Variants in RAD50 observed in about 807,000 individuals in gnomAD.
RAD50 encodes the protein DNA repair protein RAD50.
RAD50 carries 132 observed loss-of-function variants against 168.8 expected under a neutral mutation model. The ratio of observed to expected loss-of-function variants is 0.78; its 90% CI spans 0.68 to 0.90. The LOEUF is 0.90. Ranked by LOEUF, RAD50 falls within the 40% of genes least tolerant of loss-of-function variation. RAD50 has a pLI of 0.00. For synonymous variants in RAD50, 525 were observed against 497.4 expected (o/e 1.06, Z -0.74); for missense variants, 1,347 against 1,534.4 (o/e 0.88, Z 2.04).
chr5:132,560,075 CACATAT>C (rs201296806), intron 2 of RAD50, among the ~76,000 whole-genome samples: 4,995 of 150,704 alleles, frequency 0.033, 241 homozygotes, highest in African/African-American at 0.11. Flanking sequence ...CACACACACA[CACATAT>C]ATATATAGTT....
intron 21 of RAD50, among the ~76,000 whole-genome samples, chr5:132,629,702 G>A (rs1250225870): frequency 1.3e-5 from 2 of 152,092 alleles, no homozygotes; most frequent in Non-Finnish European, 2.9e-5. Flanking sequence ...ATTCTTTCAC[G>A]TCTTAGAATA....
intron 2 of RAD50, among the ~76,000 whole-genome samples, chr5:132,560,176 C>T (rs192352433): frequency 6.3e-4 from 96 of 152,150 alleles, no homozygotes; most frequent in Admixed American, 1.1e-3. Flanking sequence ...TTCTTCCAAG[C>T]TTTTTTCTGC....
Position 132,579,995 on chromosome 5 carries a change from A to C in RAD50, c.685A>C (p.Ser229Arg), listed in dbSNP as rs1406271072. 6.2e-7 allele frequency: 1 copy of C among 1,613,442 alleles called. No homozygotes were observed. Among genetic ancestry groups the C allele is most frequent in the Non-Finnish European group, 8.5e-7 (1 of 1,179,428 alleles). Residue 229 changes from serine (S) to arginine (R), a missense_variant, in exon 5 of 25, where the codon AGT becomes CGT. Transcript: ENST00000378823. ...TTGTGAGATTCGTGATCAGATTACA[A>C]GTAAGGAAGCCCAGTTAACATCTTC... ...KACEIRDQIT[S>R]KEAQLTSSKE...
chr5:132,592,879 G>T, intron 11 of RAD50: 1 of 471,000 alleles, frequency 2.1e-6, no homozygotes, highest in South Asian at 1.5e-5. Flanking sequence ...AGCTGATCTG[G>T]AAGCAGTGAT....
At chr5:132,625,351 G>A in intron 21 of RAD50, among the ~76,000 whole-genome samples, 1 of 152,094 alleles carries the variant, frequency 6.6e-6, no homozygotes. Context: ...CTCCCAAAGT[G>A]CTGGGATTAC....
intron 19 of RAD50, among the ~76,000 whole-genome samples, chr5:132,610,983 A>G (rs1440742212): frequency 6.6e-6 from 1 of 152,224 alleles, no homozygotes; most frequent in African/African-American, 2.4e-5. Flanking sequence ...TTTCAAATTA[A>G]TGGGAAAACA....
chr5:132,586,268 T>C (rs562306468), intron 5 of RAD50, among the ~76,000 whole-genome samples: 3 of 152,190 alleles, frequency 2.0e-5, no homozygotes, highest in South Asian at 2.1e-4. Flanking sequence ...CTTATTGTTA[T>C]CTTGTCTCCC....
At chr5:132,624,871 C>CA (rs10671829) in intron 21 of RAD50, among the ~76,000 whole-genome samples, 3,900 of 56,754 alleles carry the variant, frequency 0.069, 145 homozygotes, top group African/African-American at 0.11. Flanking sequence ...GACCCTGTCT[C>CA]AAAAAAAAAA....
At position 132,625,905 on chromosome 5, in the gene RAD50, T is replaced by C. The variant is rs1167165829; in HGVS notation, c.3389+7611T>C. ...GCACTCCATTGTATATATGAACAACTTTTTTTTTTTTTTGAGACGGAGTCT... is the reference window on the plus strand; with the variant it reads ...GCACTCCATTGTATATATGAACAACCTTTTTTTTTTTTTGAGACGGAGTCT... On this transcript the variant is annotated intron_variant, in intron 21 of 24. Transcript: ENST00000378823. Among the ~76,000 whole-genome samples, 3 of 145,126 alleles carry C rather than the reference T, an allele frequency of 2.1e-5. No individual in the cohort carries two copies. The East Asian group carries it at 6.0e-4, about 29-fold the overall frequency.
At chr5:132,597,131 G>T (rs1297114120) in intron 13 of RAD50, among the ~76,000 whole-genome samples, 1 of 152,116 alleles carries the variant, frequency 6.6e-6, no homozygotes, top group Non-Finnish European at 1.5e-5. Context: ...TTAATATATT[G>T]ACTGAAACAG....
chr5:132,589,180 T>TTTAAAATACA (rs1474110854), intron 8 of RAD50, among the ~76,000 whole-genome samples: 2 of 152,218 alleles, frequency 1.3e-5, no homozygotes, highest in Non-Finnish European at 2.9e-5. Context: ...TGGTTTTGAT[T>TTTAAAATACA]GTTTTTAAAA....
chr5:132,638,974 TG>T (rs1207589200), intron 23 of RAD50, among the ~76,000 whole-genome samples: 1 of 152,262 alleles, frequency 6.6e-6, no homozygotes, highest in African/African-American at 2.4e-5. Flanking sequence ...TCTAGGCCCT[TG>T]ACTTTTTTTA....
chr5:132,593,472 T>G (rs1750739097), intron 11 of RAD50: 1 of 152,260 alleles, frequency 6.6e-6, no homozygotes, highest in Admixed American at 6.5e-5. Context: ...TTAGGCCTCT[T>G]GTCCCTTGAA....
chr5:132,628,099 G>A (rs554096800), intron 21 of RAD50, among the ~76,000 whole-genome samples: 3 of 152,256 alleles, frequency 2.0e-5, no homozygotes, highest in African/African-American at 2.4e-5. Context: ...CAGTAGTTCC[G>A]TTTTGTACAC....
chr5:132,611,714 A>G, intron 19 of RAD50, among the ~76,000 whole-genome samples: 1 of 151,286 alleles, frequency 6.6e-6, no homozygotes, highest in East Asian at 1.9e-4. Flanking sequence ...TTAAAAAAAA[A>G]AAAAAAAAAA....
chr5:132,559,246 C>G, intron 1 of RAD50, 38 bp from the exon 2 acceptor site: 2 of 1,552,204 alleles, frequency 1.3e-6, no homozygotes, highest in South Asian at 1.2e-5. Context: ...TTCTGTGGTT[C>G]TCTTATAACG....
At chr5:132,594,428 G>A (rs1299288077) in intron 11 of RAD50, among the ~76,000 whole-genome samples, 1 of 152,116 alleles carries the variant, frequency 6.6e-6, no homozygotes, top group Non-Finnish European at 1.5e-5. Context: ...TGATCTGGAC[G>A]CAAGTGGATG....
chr5:132,572,276 G>A (rs892485660), intron 2 of RAD50, among the ~76,000 whole-genome samples: 2 of 152,090 alleles, frequency 1.3e-5, no homozygotes, highest in African/African-American at 4.8e-5. Context: ...AGTGAGGAAG[G>A]CATCCACAGA....
chr5:132,589,970 T>C (rs1446886619), intron 9 of RAD50, 133 bp downstream of exon 9: 14 of 846,048 alleles, frequency 1.7e-5, no homozygotes, highest in Non-Finnish European at 2.6e-5. Context: ...GTAAAATGAA[T>C]TCATCTGAAT....
Sources: gnomAD v4.1 joint callset for allele counts (sites outside exome capture counted in the v4.1 genomes callset) on GRCh38, gnomAD v4.1.1 for gene constraint, MANE v1.5 for transcripts, NCBI Gene and HGNC (gene_info 2026-07-23, HGNC 2026-07-21) for gene names.